Variants in ADAMTS19 observed in about 807,000 individuals in gnomAD.
ADAMTS19 encodes the protein ADAM metallopeptidase with thrombospondin type 1 motif 19.
ADAMTS19 carries 93 observed loss-of-function variants against 153.3 expected under a neutral mutation model. The ratio of observed to expected loss-of-function variants is 0.61; its 90% CI spans 0.51 to 0.72. ADAMTS19 has a LOEUF of 0.72. Ranked by LOEUF, ADAMTS19 falls within the 30% of genes least tolerant of loss-of-function variation. The pLI is 0.00. For synonymous variants in ADAMTS19, 600 were observed against 556.6 expected (o/e 1.08, Z -1.10); for missense variants, 1,482 against 1,552.1 (o/e 0.95, Z 0.76).
At chr5:129,566,990 T>C (rs956995007) in intron 7 of ADAMTS19, among the ~76,000 whole-genome samples, 1 of 151,970 alleles carries the variant, frequency 6.6e-6, no homozygotes. Context: ...GAGAACTGCA[T>C]GGAAGTGGAA....
At chr5:129,544,343 G>C (rs758793787) in intron 6 of ADAMTS19, among the ~76,000 whole-genome samples, 1 of 152,058 alleles carries the variant, frequency 6.6e-6, no homozygotes, top group Non-Finnish European at 1.5e-5. Flanking sequence ...AAAGCATTTG[G>C]TGAAAGTAGC....
chr5:129,670,111 A>G (rs981965224), intron 16 of ADAMTS19, among the ~76,000 whole-genome samples: 19 of 152,186 alleles, frequency 1.2e-4, no homozygotes, highest in African/African-American at 4.6e-4. Context: ...CAGTTACTCA[A>G]AATTATTACT....
At chr5:129,581,529 T>C (rs575210235) in intron 7 of ADAMTS19, among the ~76,000 whole-genome samples, 48 of 152,074 alleles carry the variant, frequency 3.2e-4, no homozygotes, top group African/African-American at 1.0e-3. Flanking sequence ...CTATATATTT[T>C]GATAATCTTT....
intron 3 of ADAMTS19, among the ~76,000 whole-genome samples, chr5:129,522,330 CACATATATATAT>C (rs1326836668): frequency 2.8e-5 from 2 of 70,972 alleles, no homozygotes; most frequent in African/African-American, 1.4e-4. Context: ...CACACACACA[CACATATATATAT>C]ATATATATAT....
intron 7 of ADAMTS19, among the ~76,000 whole-genome samples, chr5:129,592,772 T>C (rs564090857): frequency 6.6e-6 from 1 of 152,274 alleles, no homozygotes; most frequent in African/African-American, 2.4e-5. Context: ...TAAGAAGTTC[T>C]ACTAATTACC....
intron 8 of ADAMTS19, among the ~76,000 whole-genome samples, chr5:129,618,044 T>C (rs947139588): frequency 6.6e-6 from 1 of 152,042 alleles, no homozygotes; most frequent in African/African-American, 2.4e-5. Context: ...AGGAAGTATA[T>C]TTAACAAATA....
At chr5:129,489,965 C>T (rs1750714391) in intron 2 of ADAMTS19, among the ~76,000 whole-genome samples, 1 of 152,154 alleles carries the variant, frequency 6.6e-6, no homozygotes, top group Non-Finnish European at 1.5e-5. Flanking sequence ...AAATAATTTT[C>T]TGAACTTTCA....
intron 4 of ADAMTS19, among the ~76,000 whole-genome samples, chr5:129,526,918 A>T (rs867567031): frequency 6.6e-6 from 1 of 151,854 alleles, no homozygotes; most frequent in Admixed American, 6.6e-5. Context: ...ATATATGTTT[A>T]TATATGTGGC....
rs529444004 is a variant in ADAMTS19 at position 129,645,885 on chromosome 5, A to ATTTTTTTTTTTT, written c.1873-1870_1873-1859dup. 2.0e-3 allele frequency among the ~76,000 whole-genome samples: 197 copies of ATTTTTTTTTTTT among 97,092 alleles called. 13 individuals carry two copies. Among genetic ancestry groups the ATTTTTTTTTTTT allele is most frequent in the African/African-American group, 7.4e-3 (166 of 22,502 alleles). 63.7% of individuals were successfully genotyped at this position (97,092 alleles called of 152,430 possible). On this transcript the variant is annotated intron_variant, in intron 11 of 22. Transcript: ENST00000274487. ...CACATGGTTTCTTTCTCCTTTTCCA[A>ATTTTTTTTTTTT]TTTTTTTTTTTTTTTTTTTTTGAGA...
At position 129,622,216 on chromosome 5, in the gene ADAMTS19, C is replaced by T. The variant is rs1435871709; in HGVS notation, c.1638C>T (p.Cys546=). 1 of 1,614,078 alleles carries T rather than the reference C, an allele frequency of 6.2e-7. No individual in the cohort carries two copies. Among genetic ancestry groups the T allele is most frequent in the Non-Finnish European group, 8.5e-7 (1 of 1,179,976 alleles). Reference sequence around the variant, plus strand: ...TTGCCAGGTCAAAGGCCAGTAACTGCTTGCTACAAACAAATCCGCAGAGTG... The same window carrying T: ...TTGCCAGGTCAAAGGCCAGTAACTGTTTGCTACAAACAAATCCGCAGAGTG... ...ERFLRSKASN[C]LLQTNPQSVN... is the part of the protein sequence containing the mutation. Residue 546 remains cysteine (C), a synonymous_variant, in exon 10 of 23, where the codon TGC becomes TGT. Coordinates refer to ENST00000274487, the MANE Select transcript of ADAMTS19 (RefSeq NM_133638.6).
intron 18 of ADAMTS19, among the ~76,000 whole-genome samples, chr5:129,685,934 G>T (rs1478535967): frequency 6.6e-6 from 1 of 152,142 alleles, no homozygotes; most frequent in Non-Finnish European, 1.5e-5. Flanking sequence ...AAAGATAGGT[G>T]TTCGGAAGTT....
chr5:129,611,444 C>A (rs1010948062), intron 8 of ADAMTS19, among the ~76,000 whole-genome samples: 1 of 152,114 alleles, frequency 6.6e-6, no homozygotes, highest in Non-Finnish European at 1.5e-5. Context: ...AGTCTTTAAT[C>A]TATCTTGAAT....
At chr5:129,509,917 A>G (rs749060471) in intron 3 of ADAMTS19, among the ~76,000 whole-genome samples, 4 of 151,848 alleles carry the variant, frequency 2.6e-5, no homozygotes, top group Non-Finnish European at 5.9e-5. Context: ...GGTGTTTGCA[A>G]GTATGGTGAG....
At chr5:129,502,568 A>G (rs1751139260) in intron 2 of ADAMTS19, among the ~76,000 whole-genome samples, 1 of 152,212 alleles carries the variant, frequency 6.6e-6, no homozygotes, top group Non-Finnish European at 1.5e-5. Context: ...CCCTTTGGCT[A>G]GGAAAGAAAA....
intron 21 of ADAMTS19, among the ~76,000 whole-genome samples, chr5:129,707,808 TTGG>T (rs1756235688): frequency 2.0e-5 from 3 of 152,186 alleles, no homozygotes; most frequent in Non-Finnish European, 4.4e-5. Flanking sequence ...GACTTCAGCC[TTGG>T]ATTTACTTTA....
In ADAMTS19 at chr5:129,707,168, A is replaced by G. The variant is rs553187538; in HGVS notation, c.3312+2777A>G. Reference sequence around the variant, plus strand: ...ACTTTAAGGAGGGCTGACTTTTTGCATATGTGGGTTCTGCAGGACCCACTC... The same window carrying G: ...ACTTTAAGGAGGGCTGACTTTTTGCGTATGTGGGTTCTGCAGGACCCACTC... On this transcript the variant is annotated intron_variant, in intron 21 of 22. Coordinates refer to ENST00000274487, the MANE Select transcript of ADAMTS19 (RefSeq NM_133638.6). 3.9e-5 allele frequency among the ~76,000 whole-genome samples: 6 copies of G among 152,336 alleles called. No individual in the cohort carries two copies. In the South Asian group the frequency reaches 1.0e-3, roughly 26 times the overall value.
At chr5:129,534,617 CA>C (rs1345981333) in intron 6 of ADAMTS19, among the ~76,000 whole-genome samples, 1 of 151,886 alleles carries the variant, frequency 6.6e-6, no homozygotes, top group Non-Finnish European at 1.5e-5. Flanking sequence ...AGAGACACAA[CA>C]AAAAAAGAGA....
chr5:129,623,900 C>A (rs1751899614), intron 10 of ADAMTS19, among the ~76,000 whole-genome samples: 1 of 151,492 alleles, frequency 6.6e-6, no homozygotes, highest in Non-Finnish European at 1.5e-5. Context: ...ACGGGCGGAT[C>A]ACGAGGTCAG....
At chr5:129,602,246 C>T (rs894252622) in intron 8 of ADAMTS19, among the ~76,000 whole-genome samples, 3 of 152,178 alleles carry the variant, frequency 2.0e-5, no homozygotes, top group African/African-American at 4.8e-5. Context: ...GCATGTGCCA[C>T]CACACCCGGC....
Sources: allele counts gnomAD v4.1 joint callset (sites outside exome capture counted in the v4.1 genomes callset), GRCh38; gene constraint gnomAD v4.1.1; transcripts MANE v1.5; gene names NCBI Gene and HGNC (gene_info 2026-07-23, HGNC 2026-07-21).